DHX37: variants seen among roughly 807,000 people sequenced by gnomAD.
DHX37 encodes probable ATP-dependent RNA helicase DHX37.
A neutral mutation model predicts 134.3 loss-of-function variants in DHX37; 52 were observed. The observed-to-expected ratio is 0.39, with a 90% CI of 0.31 to 0.49. DHX37 has a LOEUF of 0.49. DHX37 is among the 20% of genes least tolerant of loss of function. DHX37 has a pLI of 0.93. For missense variants in DHX37, 1,344 were observed against 1,580.8 expected (o/e 0.85, Z 2.54); for synonymous variants, 634 against 670.7 (o/e 0.95, Z 0.85).
chr12:124,948,261 G>A, intron 25 of DHX37, 80 bp from the exon 26 acceptor site: 1 of 1,527,608 alleles, frequency 6.5e-7, no homozygotes, highest in East Asian at 2.4e-5. Flanking sequence ...AGCAGGGCAG[G>A]CATCACCACC....
chr12:124,958,024 TG>T (rs1343050184), intron 16 of DHX37, among the ~76,000 whole-genome samples: 1 of 152,186 alleles, frequency 6.6e-6, no homozygotes, highest in African/African-American at 2.4e-5. Context: ...GGATTCCATC[TG>T]CATGAAATGT....
In DHX37 at chr12:124,949,765, G is replaced by C. The variant is rs192952706; in HGVS notation, c.3290+221C>G. 3.8e-4 allele frequency among the ~76,000 whole-genome samples: 58 copies of C among 152,242 alleles called. No homozygotes were observed. The highest frequency in any genetic ancestry group is 1.4e-3 in the African/African-American group (58 of 41,542). On this transcript the variant is annotated intron_variant, in intron 25 of 26. Transcript: ENST00000308736. This position sits in a 1 kb window ranked among gnomAD's most constrained non-coding sequence, Gnocchi z 4.0. Reference sequence around the variant, plus strand: ...CACGTGAAGATGGAGGCAGAGACTGGAGTGATGTGGCCACAAGCCCAGGAG... The same window carrying C: ...CACGTGAAGATGGAGGCAGAGACTGCAGTGATGTGGCCACAAGCCCAGGAG...
intron 16 of DHX37, among the ~76,000 whole-genome samples, chr12:124,958,430 C>T (rs1421900988): frequency 6.6e-6 from 1 of 152,126 alleles, no homozygotes; most frequent in African/African-American, 2.4e-5. Flanking sequence ...ACAGTGCTCC[C>T]AGCCACACTG....
intron 8 of DHX37, among the ~76,000 whole-genome samples, chr12:124,969,359 G>C (rs1247669292): frequency 6.6e-6 from 1 of 152,108 alleles, no homozygotes; most frequent in Non-Finnish European, 1.5e-5. Context: ...CTGGTCCCCA[G>C]GCCGCTCAGC....
At position 124,982,582 on chromosome 12, in the gene DHX37, G is replaced by A. The variant is rs1174208026; in HGVS notation, c.318C>T (p.Ser106=). The change falls in exon 3 of 27, where the codon TCC becomes TCT. Residue 106 remains serine, a synonymous_variant. Coordinates refer to ENST00000308736, the MANE Select transcript of DHX37 (RefSeq NM_032656.4). Reference sequence around the variant, plus strand: ...TATAAAAGAGTCTCATCTCAGCTTCGGAAGCCTGGACTTCACTCAGCTTCT... The same window carrying A: ...TATAAAAGAGTCTCATCTCAGCTTCAGAAGCCTGGACTTCACTCAGCTTCT... ...MLQKLSEVQA[S]EAEMRLFYTT... 3.7e-6 allele frequency: 6 copies of A among 1,613,582 alleles called. No homozygotes were observed. The highest frequency in any genetic ancestry group is 1.3e-5 in the African/African-American group (1 of 74,998).
At chr12:124,960,291 G>A in intron 16 of DHX37, 21 bp downstream of exon 16, 1 of 1,605,988 alleles carries the variant, frequency 6.2e-7, no homozygotes, top group Non-Finnish European at 8.5e-7. Context: ...GCTGAGAGCG[G>A]GGCTGGGGGC....
chr12:124,959,250 T>A (rs1324044327), intron 16 of DHX37, among the ~76,000 whole-genome samples: 2 of 152,074 alleles, frequency 1.3e-5, no homozygotes, highest in Non-Finnish European at 2.9e-5. Flanking sequence ...ATTTTTTGTA[T>A]CTTTACTAGA....
In DHX37 at chr12:124,988,954, G is replaced by A; in HGVS notation, c.69C>T (p.Gly23=). 3.0e-6 allele frequency: 4 copies of A among 1,342,688 alleles called. No individual in the cohort carries two copies. Among genetic ancestry groups the A allele is most frequent in the Non-Finnish European group, 3.9e-6 (4 of 1,037,932 alleles). 83.2% of individuals were successfully genotyped at this position (1,342,688 alleles called of 1,614,324 possible). ...GCTGCACGGGGGGCGGCTCGGGGGG[G>A]CCCTTCGAGGGTCCGGGGCCCGCCT... ...RQQAGPGPSK[G]PPEPPPVQLE... is the part of the protein sequence containing the mutation. The change falls in exon 1 of 27, where the codon GGC becomes GGT. Residue 23 remains glycine, a synonymous_variant. Transcript: ENST00000308736.
chr12:124,980,447 C>A lies in DHX37; in HGVS notation c.738+43G>T, dbSNP rs1594509712. 1.3e-6 allele frequency: 2 copies of A among 1,591,030 alleles called. No individual in the cohort carries two copies. The highest frequency in any genetic ancestry group is 1.7e-6 in the Non-Finnish European group (2 of 1,172,092). ...CAGGACGCCCTCTGTGCGCCCCTTG[C>A]CCGCTAACCTAGATTCTTAATCACA... On this transcript the variant is annotated intron_variant, in intron 4 of 26. Transcript: ENST00000308736. This position sits in a 1 kb window ranked among gnomAD's most constrained non-coding sequence, Gnocchi z 5.3.
chr12:124,980,321 C>T lies in DHX37; in HGVS notation c.738+169G>A, dbSNP rs958958403. Reference sequence around the variant, plus strand: ...GCCCTGCACTGTGATCCTCCTCGCGCACCAATCCCTGCCACAGCCTCAAGG... The same window carrying T: ...GCCCTGCACTGTGATCCTCCTCGCGTACCAATCCCTGCCACAGCCTCAAGG... On this transcript the variant is annotated intron_variant, in intron 4 of 26. Coordinates refer to ENST00000308736, the MANE Select transcript of DHX37 (RefSeq NM_032656.4). The surrounding 1 kb of genome is among the most constrained non-coding windows in gnomAD (Gnocchi z 5.3). Among the ~76,000 whole-genome samples the T allele has an allele frequency of 6.6e-5, 10 of 152,248 alleles. No homozygotes were observed. Among genetic ancestry groups the T allele is most frequent in the Non-Finnish European group, 1.2e-4 (8 of 68,040 alleles).
chr12:124,951,378 T>C (rs1191077651), intron 21 of DHX37, among the ~76,000 whole-genome samples: 1 of 151,468 alleles, frequency 6.6e-6, no homozygotes, highest in Non-Finnish European at 1.5e-5. Flanking sequence ...TGAAAAGCCA[T>C]GTATGTTAAG....
chr12:124,968,681 G>A (rs561344330), intron 9 of DHX37, 33 bp from the exon 10 acceptor site: 3 of 1,613,586 alleles, frequency 1.9e-6, no homozygotes, highest in East Asian at 2.2e-5. Flanking sequence ...TGGGGAGTGG[G>A]GGGGACACGA....
chr12:124,981,441 C>T (rs925221193), intron 3 of DHX37, among the ~76,000 whole-genome samples: 8 of 152,192 alleles, frequency 5.3e-5, no homozygotes, highest in African/African-American at 1.4e-4. Context: ...TCCAACTAGT[C>T]GAGACTAGGT....
chr12:124,968,220 G>A (rs1002442226), intron 10 of DHX37, among the ~76,000 whole-genome samples: 2 of 152,106 alleles, frequency 1.3e-5, no homozygotes, highest in Non-Finnish European at 2.9e-5. Context: ...TGACTCTTGG[G>A]GGGATGTGCC....
In DHX37 at chr12:124,960,406, A is replaced by G. The variant is rs1207906104; in HGVS notation, c.2063T>C (p.Val688Ala). 6.2e-7 allele frequency: 1 copy of G among 1,611,830 alleles called. No homozygotes were observed. The highest frequency in any genetic ancestry group is 1.7e-5 in the Admixed American group (1 of 59,992). ...GHCYRLYSSA[V>A]FGDFEQFPPP... ...AGGAAACTGCTCGAAGTCACCAAAAACCGCAGATGAATACAGCCTGGATGG... is the reference window on the plus strand; with the variant it reads ...AGGAAACTGCTCGAAGTCACCAAAAGCCGCAGATGAATACAGCCTGGATGG... The change falls in exon 16 of 27, where the codon GTT becomes GCT. Residue 688 changes from valine (V) to alanine (A), a missense_variant. Around this residue, in one of 7 missense-constraint regions of DHX37, gnomAD observed 558 missense variants for 650.0 expected, o/e 0.86. Coordinates refer to ENST00000308736, the MANE Select transcript of DHX37 (RefSeq NM_032656.4).
rs1565896178 is a variant in DHX37 at position 124,986,164 on chromosome 12, T to C, written c.208A>G (p.Lys70Glu). ...TTCTTCTCCTTCTTGGTCAGAGGCT[T>C]CTTCTCCTTCTTCGACAGGGGAGGG... is the stretch of plus-strand genomic sequence containing the variant. The part of the protein sequence containing the change: ...KAPPLSKKEK[K>E]PLTKKEKKVL... The change falls in exon 2 of 27, where the codon AAG becomes GAG. Residue 70 changes from lysine to glutamate, a missense_variant. Coordinates refer to ENST00000308736, the MANE Select transcript of DHX37 (RefSeq NM_032656.4). 1 of 1,614,206 alleles carries C rather than the reference T, an allele frequency of 6.2e-7. No homozygotes were observed. Among genetic ancestry groups the C allele is most frequent in the South Asian group, 1.1e-5 (1 of 91,088 alleles).
chr12:124,970,605 C>A (rs1954497329), intron 8 of DHX37, among the ~76,000 whole-genome samples: 1 of 152,162 alleles, frequency 6.6e-6, no homozygotes, highest in Admixed American at 6.5e-5. Context: ...CCCTCCACTG[C>A]CCCCGGCTTT....
intron 3 of DHX37, among the ~76,000 whole-genome samples, chr12:124,981,832 G>A (rs902159414): frequency 2.0e-5 from 3 of 150,960 alleles, no homozygotes; most frequent in Non-Finnish European, 2.9e-5. Flanking sequence ...CTTAAAAAAC[G>A]ACACAAACCA....
At chr12:124,952,267 G>A in intron 21 of DHX37, 131 bp downstream of exon 21, 1 of 903,432 alleles carries the variant, frequency 1.1e-6, no homozygotes, top group African/African-American at 1.7e-5. Context: ...TCTACTGCAA[G>A]CCCCACTTGT....
Sources: allele counts gnomAD v4.1 joint callset (sites outside exome capture counted in the v4.1 genomes callset), GRCh38; gene constraint gnomAD v4.1.1; regional missense constraint gnomAD v4.1.1; non-coding constraint Gnocchi (gnomAD v3.1); transcripts MANE v1.5; gene names NCBI Gene and HGNC (gene_info 2026-07-23, HGNC 2026-07-21).